The following ADAM22 variants were observed in gnomAD, a reference collection of about 807,000 sequenced individuals.
ADAM22 encodes ADAM metallopeptidase domain 22, also known as disintegrin and metalloproteinase domain-containing protein 22.
A neutral mutation model predicts 144.6 loss-of-function variants in ADAM22; 65 were observed. The ratio of observed to expected loss-of-function variants is 0.45; its 90% CI spans 0.37 to 0.55. The LOEUF is 0.55. Ranked by LOEUF, ADAM22 falls within the 20% of genes least tolerant of loss-of-function variation. The pLI, the probability that ADAM22 is intolerant of heterozygous loss-of-function variation, is 0.00. For synonymous variants in ADAM22, 391 were observed against 412.6 expected (o/e 0.95, Z 0.63); for missense variants, 974 against 1,184.9 (o/e 0.82, Z 2.61).
At chr7:87,970,788 C>T (rs1037796072) in intron 2 of ADAM22, among the ~76,000 whole-genome samples, 14 of 152,144 alleles carry the variant, frequency 9.2e-5, no homozygotes, top group Non-Finnish European at 1.2e-4. Context: ...AAATAGGCTC[C>T]AATCTGGGGA....
intron 2 of ADAM22, among the ~76,000 whole-genome samples, chr7:87,951,167 T>G (rs374674091): frequency 7.8e-4 from 118 of 150,722 alleles, no homozygotes; most frequent in East Asian, 4.9e-3. Context: ...GTCAATTTTG[T>G]CTTTTGTTGC....
At chr7:87,973,104 G>A (rs866103111) in intron 2 of ADAM22, among the ~76,000 whole-genome samples, 16 of 152,076 alleles carry the variant, frequency 1.1e-4, no homozygotes, top group African/African-American at 3.1e-4. Flanking sequence ...ATCTAATTAA[G>A]CTAAAGAGCT....
chr7:87,982,064 T>TACACACAC (rs1250869235), intron 3 of ADAM22, among the ~76,000 whole-genome samples: 32 of 79,318 alleles, frequency 4.0e-4, no homozygotes, highest in African/African-American at 1.8e-3. Context: ...TATATATATA[T>TACACACAC]ATATACACAC....
intron 4 of ADAM22, among the ~76,000 whole-genome samples, chr7:88,083,231 T>G (rs959816166): frequency 6.6e-6 from 1 of 151,872 alleles, no homozygotes; most frequent in Non-Finnish European, 1.5e-5. Flanking sequence ...AGCAAACTAT[T>G]GCGAGGACAA....
At chr7:87,955,475 G>A (rs572525937) in intron 2 of ADAM22, among the ~76,000 whole-genome samples, 2 of 152,316 alleles carry the variant, frequency 1.3e-5, no homozygotes, top group South Asian at 4.1e-4. Flanking sequence ...AAGTGCTGCT[G>A]TCTGATCGTT....
intron 3 of ADAM22, among the ~76,000 whole-genome samples, chr7:88,022,358 A>T (rs1222653080): frequency 6.6e-6 from 1 of 152,216 alleles, no homozygotes; most frequent in Non-Finnish European, 1.5e-5. Flanking sequence ...TAACTTGCAA[A>T]CTAAAATTCA....
In ADAM22 at chr7:88,132,860, C is replaced by A. The variant is rs576672374; in HGVS notation, c.993-7C>A. 1 of 1,613,186 alleles carries A rather than the reference C, an allele frequency of 6.2e-7. No homozygotes were observed. The highest frequency in any genetic ancestry group is 1.1e-5 in the South Asian group (1 of 91,050). On this transcript the variant is annotated splice_region_variant and splice_polypyrimidine_tract_variant and intron_variant, in intron 11 of 31. Coordinates refer to ENST00000413139, the MANE Select transcript of ADAM22 (RefSeq NM_001324418.2). ...CAGTAAGCATTTTTCATTTCCTTTT[C>A]TAAAAGGGGAAGTCAATTTGAGAGT...
intron 3 of ADAM22, among the ~76,000 whole-genome samples, chr7:88,067,840 C>T (rs113126800): frequency 2.2e-3 from 328 of 152,164 alleles, no homozygotes; most frequent in African/African-American, 7.5e-3. Flanking sequence ...AATAGCCTCA[C>T]CTTTAGACAC....
At position 88,184,623 on chromosome 7, in the gene ADAM22, G is replaced by A. The variant is rs187884971; in HGVS notation, c.2664-1992G>A. On this transcript the variant is annotated intron_variant, in intron 29 of 31. Transcript: ENST00000413139. ...CTAACGCCATTTTTTTTTGCATGTC[G>A]CGCTATATGCCAAGTCAAGCCACAT... Among the ~76,000 whole-genome samples the A allele has an allele frequency of 1.5e-3, 229 of 151,732 alleles. 1 individual carries two copies. The highest frequency in any genetic ancestry group is 2.8e-3 in the Admixed American group (43 of 15,230).
chr7:88,125,870 AAT>A (rs1472551645), intron 8 of ADAM22, among the ~76,000 whole-genome samples: 2 of 152,066 alleles, frequency 1.3e-5, no homozygotes. Flanking sequence ...TAGTGGTGAT[AAT>A]ATGTTTCTTC....
At chr7:87,944,815 T>TG (rs1843187480) in intron 2 of ADAM22, among the ~76,000 whole-genome samples, 1 of 113,366 alleles carries the variant, frequency 8.8e-6, no homozygotes, top group African/African-American at 3.6e-5. Context: ...GGGAAACTTG[T>TG]GTTTTTTTTT....
intron 14 of ADAM22, among the ~76,000 whole-genome samples, chr7:88,138,237 G>A (rs976049043): frequency 2.0e-5 from 3 of 152,088 alleles, no homozygotes; most frequent in African/African-American, 7.2e-5. Context: ...AAGTTCTATA[G>A]TTGCAGTTTC....
intron 3 of ADAM22, among the ~76,000 whole-genome samples, chr7:87,991,769 T>G (rs1384794032): frequency 1.3e-5 from 2 of 152,202 alleles, no homozygotes; most frequent in Non-Finnish European, 2.9e-5. Context: ...TTAATTAAAT[T>G]GAGTGAAATA....
intron 3 of ADAM22, among the ~76,000 whole-genome samples, chr7:88,070,717 T>C (rs1585420759): frequency 6.6e-6 from 1 of 152,184 alleles, no homozygotes; most frequent in East Asian, 1.9e-4. Context: ...AATGTTCGGA[T>C]TTGACTGAGA....
At chr7:88,083,587 T>G (rs1013176325) in intron 4 of ADAM22, among the ~76,000 whole-genome samples, 19 of 126,746 alleles carry the variant, frequency 1.5e-4, no homozygotes, top group South Asian at 1.1e-3. Flanking sequence ...TACTTTGTGT[T>G]TGTGTGTGTG....
At chr7:87,994,770 C>T (rs1790719725) in intron 3 of ADAM22, among the ~76,000 whole-genome samples, 1 of 152,144 alleles carries the variant, frequency 6.6e-6, no homozygotes, top group Non-Finnish European at 1.5e-5. Flanking sequence ...GTTAATCACA[C>T]AAGTAGGTCT....
At chr7:88,164,309 T>C (rs1842452172) in intron 23 of ADAM22, among the ~76,000 whole-genome samples, 1 of 152,034 alleles carries the variant, frequency 6.6e-6, no homozygotes, top group Non-Finnish European at 1.5e-5. Flanking sequence ...TAAACATTTG[T>C]TTAATTAATT....
chr7:88,052,440 C>G (rs1020422460), intron 3 of ADAM22, among the ~76,000 whole-genome samples: 1 of 151,394 alleles, frequency 6.6e-6, no homozygotes, highest in Non-Finnish European at 1.5e-5. Context: ...GCGTAACTTG[C>G]AGTCAGCGGA....
intron 17 of ADAM22, among the ~76,000 whole-genome samples, chr7:88,147,983 C>T (rs772679650): frequency 6.6e-6 from 1 of 151,896 alleles, no homozygotes; most frequent in African/African-American, 2.4e-5. Context: ...GTGCTTGGCA[C>T]GTTATTAAAT....
Sources: gnomAD v4.1 joint callset for allele counts (sites outside exome capture counted in the v4.1 genomes callset) on GRCh38, gnomAD v4.1.1 for gene constraint, MANE v1.5 for transcripts, NCBI Gene and HGNC (gene_info 2026-07-23, HGNC 2026-07-21) for gene names.